Variants in RGS12 observed in about 807,000 individuals in gnomAD.
RGS12 encodes the protein regulator of G-protein signaling 12.
In RGS12, 66 loss-of-function variants were observed where a neutral mutation model predicts 120.1. That is an observed-to-expected ratio of 0.55 (90% CI 0.45 to 0.67). The LOEUF (loss-of-function observed/expected upper bound fraction) is 0.67. RGS12 is among the 30% of genes least tolerant of loss of function. RGS12 has a pLI of 0.00. For missense variants in RGS12, 1,859 were observed against 1,957.7 expected (o/e 0.95, Z 0.95); for synonymous variants, 827 against 804.7 (o/e 1.03, Z -0.47).
chr4:3,331,197 T>C (rs1392358643), intron 2 of RGS12, among the ~76,000 whole-genome samples: 1 of 152,202 alleles, frequency 6.6e-6, no homozygotes, highest in South Asian at 2.1e-4. Context: ...TAAAAAATTC[T>C]AACACCCCTC....
intron 10 of RGS12, among the ~76,000 whole-genome samples, chr4:3,421,081 C>T (rs1272635021): frequency 6.6e-6 from 1 of 152,206 alleles, no homozygotes; most frequent in Non-Finnish European, 1.5e-5. Flanking sequence ...ATCAGGCGCT[C>T]CCTGTCTCAG....
intron 7 of RGS12, 21 bp downstream of exon 7, chr4:3,416,142 C>T: frequency 6.2e-7 from 1 of 1,613,170 alleles, no homozygotes; most frequent in Non-Finnish European, 8.5e-7. Flanking sequence ...GCTGTGGGAG[C>T]TTGTGGGGAG....
At chr4:3,305,225 C>G (rs1723906677) in intron 1 of RGS12, among the ~76,000 whole-genome samples, 1 of 152,176 alleles carries the variant, frequency 6.6e-6, no homozygotes, top group African/African-American at 2.4e-5. Context: ...AAGTGACATC[C>G]TATCTCTTTT....
rs762240572 is a variant in RGS12 at position 3,430,599 on chromosome 4, G to C, written c.3758G>C (p.Ser1253Thr). ...KRSATGNGRE[S>T]ASQPGEQWEP... ...AGCGCCACAGGCAACGGCCGGGAGAGCGCCTCCCAGCCTGGCGAGCAGTGG... is the reference window on the plus strand; with the variant it reads ...AGCGCCACAGGCAACGGCCGGGAGACCGCCTCCCAGCCTGGCGAGCAGTGG... The change falls in exon 17 of 18, where the codon AGC (serine) becomes ACC (threonine). Residue 1253 changes from serine to threonine, a missense_variant. Transcript: ENST00000336727. The C allele has an allele frequency of 5.6e-6, 9 of 1,611,904 alleles. No individual in the cohort carries two copies. Among genetic ancestry groups the C allele is most frequent in the Non-Finnish European group, 7.6e-6 (9 of 1,179,616 alleles).
intron 4 of RGS12, among the ~76,000 whole-genome samples, chr4:3,398,009 A>G (rs1305909595): frequency 6.6e-6 from 1 of 152,238 alleles, no homozygotes; most frequent in East Asian, 1.9e-4. Context: ...TCTCATCTGT[A>G]AAATGGAATA....
intron 4 of RGS12, among the ~76,000 whole-genome samples, chr4:3,410,589 G>A (rs915339912): frequency 6.6e-6 from 1 of 152,170 alleles, no homozygotes; most frequent in East Asian, 1.9e-4. Context: ...AGCAGTAGCC[G>A]GCTCTGGGCA....
At chr4:3,418,739 C>T (rs970416768) in intron 9 of RGS12, 3 of 152,220 alleles carry the variant, frequency 2.0e-5, no homozygotes, top group Admixed American at 6.5e-5. Context: ...GCAGAGTTCA[C>T]CTTTGTCGGA....
Position 3,433,271 on chromosome 4 carries a change from A to G in RGS12, c.4114+2316A>G, listed in dbSNP as rs1358943554. 6.6e-6 allele frequency among the ~76,000 whole-genome samples: 1 copy of G among 152,214 alleles called. No homozygotes were observed. Among genetic ancestry groups the G allele is most frequent in the South Asian group, 2.1e-4 (1 of 4,836 alleles). ...CGCCCTGGACCCAGCGTCCGGGGTG[A>G]GAAACACAACAGGAGGTGTAGCCAA... On this transcript the variant is annotated intron_variant, in intron 17 of 17. Coordinates refer to ENST00000336727, the MANE Select transcript of RGS12 (RefSeq NM_001394154.1). This position sits in a 1 kb window ranked among gnomAD's most constrained non-coding sequence, Gnocchi z 4.4.
At chr4:3,435,461 A>C (rs73193398) in intron 17 of RGS12, among the ~76,000 whole-genome samples, 20,361 of 151,986 alleles carry the variant, frequency 0.13, 1,870 homozygotes, top group Non-Finnish European at 0.19. Flanking sequence ...GGAGCCTGCC[A>C]CTGGTCTCAG....
chr4:3,376,309 G>A (rs1025157172), intron 3 of RGS12, among the ~76,000 whole-genome samples: 2 of 150,316 alleles, frequency 1.3e-5, no homozygotes, highest in Non-Finnish European at 3.0e-5. Flanking sequence ...AGGGAGAAGC[G>A]CAGGTCTGTG....
upstream of RGS12, among the ~76,000 whole-genome samples, chr4:3,289,698 G>C (rs1350217345): frequency 6.6e-6 from 1 of 152,092 alleles, no homozygotes; most frequent in Non-Finnish European, 1.5e-5. Context: ...TCTACTCTTA[G>C]AGATTTTCAA....
At chr4:3,328,792 T>C (rs756561310) in intron 2 of RGS12, among the ~76,000 whole-genome samples, 5 of 152,204 alleles carry the variant, frequency 3.3e-5, no homozygotes, top group Non-Finnish European at 1.5e-5. Context: ...TATAATTTTC[T>C]CCTGTAAACT....
At chr4:3,406,070 T>G (rs998129263) in intron 4 of RGS12, among the ~76,000 whole-genome samples, 1 of 152,164 alleles carries the variant, frequency 6.6e-6, no homozygotes, top group Non-Finnish European at 1.5e-5. Context: ...TTCGGCCACT[T>G]GCCCATCTTC....
At chr4:3,330,563 A>G (rs749106026) in intron 2 of RGS12, among the ~76,000 whole-genome samples, 7 of 152,244 alleles carry the variant, frequency 4.6e-5, no homozygotes, top group Admixed American at 2.0e-4. Context: ...AGTGCCTGGC[A>G]GTTAGAAGGC....
At chr4:3,398,884 A>G (rs77694834) in intron 4 of RGS12, among the ~76,000 whole-genome samples, 2,730 of 152,348 alleles carry the variant, frequency 0.018, 36 homozygotes, top group Middle Eastern at 0.031. Context: ...GTGGCATACA[A>G]TATGCCACAC....
intron 17 of RGS12, among the ~76,000 whole-genome samples, chr4:3,435,174 A>G (rs1724688200): frequency 6.6e-6 from 1 of 152,060 alleles, no homozygotes; most frequent in African/African-American, 2.4e-5. Context: ...GGGCCCCCGG[A>G]GCTCAGCTAC....
At chr4:3,295,398 C>T (rs974356671) in intron 1 of RGS12, among the ~76,000 whole-genome samples, 4 of 152,098 alleles carry the variant, frequency 2.6e-5, no homozygotes, top group Non-Finnish European at 4.4e-5. Context: ...AGTGACTTAA[C>T]GCCTGTAATA....
Position 3,367,471 on chromosome 4 carries a change from G to C in RGS12, c.1999-18945G>C, listed in dbSNP as rs111294456. Among the ~76,000 whole-genome samples, 12 of 152,376 alleles carry C rather than the reference G, an allele frequency of 7.9e-5. 1 individual carries two copies. Among genetic ancestry groups the C allele is most frequent in the African/African-American group, 2.9e-4 (12 of 41,598 alleles). On this transcript the variant is annotated intron_variant, in intron 3 of 17. Transcript: ENST00000336727. Reference sequence around the variant, plus strand: ...GCTGTGCTGGGCTTCCCGGGCCCGGGGTCTGAACCCGACTCCCACCAGGCA... The same window carrying C: ...GCTGTGCTGGGCTTCCCGGGCCCGGCGTCTGAACCCGACTCCCACCAGGCA...
chr4:3,391,127 A>G lies in RGS12; in HGVS notation c.2020+4690A>G, dbSNP rs181705316. On this transcript the variant is annotated intron_variant, in intron 4 of 17. Transcript: ENST00000336727. ...TGTGGGAGTGGTTGTTTTAACCAGAACCCTTTACTTGATTTAATATGTCAC... is the reference window on the plus strand; with the variant it reads ...TGTGGGAGTGGTTGTTTTAACCAGAGCCCTTTACTTGATTTAATATGTCAC... Among the ~76,000 whole-genome samples, 6 of 152,322 alleles carry G rather than the reference A, an allele frequency of 3.9e-5. No homozygotes were observed. In the East Asian group the frequency reaches 1.2e-3, roughly 29 times the overall value.
Sources: allele counts gnomAD v4.1 joint callset (sites outside exome capture counted in the v4.1 genomes callset), GRCh38; gene constraint gnomAD v4.1.1; non-coding constraint Gnocchi (gnomAD v3.1); transcripts MANE v1.5; gene names NCBI Gene and HGNC (gene_info 2026-07-23, HGNC 2026-07-21).